WBP2NL: variants seen among roughly 807,000 people sequenced by gnomAD.
WBP2NL encodes the protein postacrosomal sheath WW domain-binding protein.
Under a neutral mutation model 23.3 loss-of-function variants are expected in WBP2NL, and 27 were observed. The ratio of observed to expected loss-of-function variants is 1.16; its 90% CI spans 0.85 to 1.60. The LOEUF (loss-of-function observed/expected upper bound fraction) is 1.60, where lower values mean the gene tolerates loss of function less well. WBP2NL is among the 40% of genes most tolerant of loss of function. The probability of loss-of-function intolerance (pLI) is 0.00; values close to 1 mark genes in which losing one functional copy is unlikely to be tolerated. For missense variants in WBP2NL, 370 were observed against 389.5 expected, an observed-to-expected ratio of 0.95 and a Z score of 0.42; for synonymous variants, 151 against 145.9, an observed-to-expected ratio of 1.03 and a Z score of -0.25.
chr22:42,001,929 AG>A, intron 1 of WBP2NL: 2 of 1,448,176 alleles, frequency 1.4e-6, no homozygotes, highest in South Asian at 1.6e-5. Flanking sequence ...TCCACCTGCC[AG>A]GGAGTCCTTG....
chr22:42,015,957 TA>T (rs1923270066), intron 1 of WBP2NL, among the ~76,000 whole-genome samples: 1 of 152,084 alleles, frequency 6.6e-6, no homozygotes, highest in South Asian at 2.1e-4. Flanking sequence ...TTTCGCTAGG[TA>T]GCAGCAACTA....
chr22:42,028,844 T>C (rs997711119), downstream of WBP2NL, among the ~76,000 whole-genome samples: 1 of 152,228 alleles, frequency 6.6e-6, no homozygotes, highest in African/African-American at 2.4e-5. Flanking sequence ...CATTTGAAAG[T>C]CAGGAGACAT....
intron 5 of WBP2NL, among the ~76,000 whole-genome samples, chr22:42,023,429 C>A (rs133344): frequency 0.74 from 112,273 of 152,072 alleles, 41,602 homozygotes; most frequent in East Asian, 0.9. Flanking sequence ...TCCTGGCCTC[C>A]AGCCATCTGC....
At chr22:42,029,364 T>C (rs1287990522), downstream of WBP2NL, among the ~76,000 whole-genome samples, 2 of 146,446 alleles carry the variant, frequency 1.4e-5, no homozygotes, top group Admixed American at 1.4e-4. Context: ...TTTAAATCAA[T>C]ATATTTTCTA....
rs1345745741 is a variant in WBP2NL at position 42,025,068 on chromosome 22, C to T, written c.515-1698C>T. 2.0e-5 allele frequency among the ~76,000 whole-genome samples: 3 copies of T among 152,200 alleles called. No individual in the cohort carries two copies. In the South Asian group the frequency reaches 6.2e-4, roughly 32 times the overall value. ...TCTGCCTGCCTCGGCCAGTGGGTTA[C>T]AGGTGTGAACAACTGTGCCCAGGCA... is the stretch of plus-strand genomic sequence containing the variant. On this transcript the variant is annotated intron_variant, in intron 5 of 5. Transcript: ENST00000328823.
chr22:42,047,134 A>T (rs968400821), intron 8 of WBP2NL, among the ~76,000 whole-genome samples: 2 of 152,112 alleles, frequency 1.3e-5, no homozygotes, highest in Non-Finnish European at 2.9e-5. Context: ...GAACTTAAAA[A>T]GTTGGTCCAT....
chr22:42,048,673 G>A (rs747067838), intron 8 of WBP2NL, among the ~76,000 whole-genome samples: 7 of 150,838 alleles, frequency 4.6e-5, no homozygotes, highest in Non-Finnish European at 1.0e-4. Context: ...GGAGAATGGT[G>A]TGAACCCAGG....
downstream of WBP2NL, among the ~76,000 whole-genome samples, chr22:42,034,596 G>C (rs543407140): frequency 9.9e-5 from 15 of 152,256 alleles, no homozygotes; most frequent in South Asian, 2.3e-3. Flanking sequence ...GAGATCACCC[G>C]GTCTGACCAA....
In WBP2NL at chr22:42,022,352, T is replaced by C. The variant is rs139280883; in HGVS notation, c.510T>C (p.Cys170=). 8.7e-6 allele frequency: 14 copies of C among 1,611,472 alleles called. No homozygotes were observed. Among genetic ancestry groups the C allele is most frequent in the Non-Finnish European group, 1.2e-5 (14 of 1,178,750 alleles). Residue 170 remains cysteine, a synonymous_variant, in exon 5 of 6, where the codon TGT becomes TGC. Coordinates refer to ENST00000328823, the MANE Select transcript of WBP2NL (RefSeq NM_152613.3). The part of the protein sequence containing the change: ...EGNMCTPQMP[C]SVIVYGAPPA... ...ATATGTGCACTCCACAGATGCCTTG[T>C]TCAGGTAAGGTATGGCAGAGAGGTT...
intron 1 of WBP2NL, among the ~76,000 whole-genome samples, chr22:42,007,440 T>C (rs1602442112): frequency 1.3e-5 from 2 of 152,336 alleles, no homozygotes; most frequent in Non-Finnish European, 2.9e-5. Context: ...TACATTAAAA[T>C]ACACTTATTG....
In WBP2NL at chr22:42,022,586, A is replaced by G. The variant is rs551127386; in HGVS notation, c.514+230A>G. Among the ~76,000 whole-genome samples, 5 of 152,380 alleles carry G rather than the reference A, an allele frequency of 3.3e-5. No individual in the cohort carries two copies. In the South Asian group the frequency reaches 8.3e-4, roughly 25 times the overall value. On this transcript the variant is annotated intron_variant, in intron 5 of 5. Transcript: ENST00000328823. The stretch of plus-strand genomic sequence containing the variant: ...TTAATGATATATACAAACCTGGAAC[A>G]TACTTGGCAATCCTGTTAGTGGGAA...
rs760739172 is a variant in WBP2NL at position 42,026,793 on chromosome 22, G to T, written c.542G>T (p.Gly181Val). Reference protein sequence around the residue: ...SVIVYGAPPAGYGAPPPGYGA... With the variant: ...SVIVYGAPPAVYGAPPPGYGA... The stretch of plus-strand genomic sequence containing the variant: ...ATTGTCTATGGAGCCCCACCTGCAG[G>T]ATATGGAGCCCCACCTCCCGGATAC... Residue 181 changes from glycine to valine, a missense_variant, in exon 6 of 6, where the codon GGA (glycine) becomes GTA (valine). By Grantham distance (109) the Gly-to-Val change is moderately radical (BLOSUM62 -3). Transcript: ENST00000328823. 6.2e-7 allele frequency: 1 copy of T among 1,613,776 alleles called. No homozygotes were observed. Among genetic ancestry groups the T allele is most frequent in the Admixed American group, 1.7e-5 (1 of 59,984 alleles).
At position 42,022,317 on chromosome 22, in the gene WBP2NL, G is replaced by A. The variant is rs768268045; in HGVS notation, c.475G>A (p.Gly159Arg). Residue 159 changes from glycine to arginine, a missense_variant, in exon 5 of 6, where the codon GGG becomes AGG. Coordinates refer to ENST00000328823, the MANE Select transcript of WBP2NL (RefSeq NM_152613.3). ...CTCTATGGGAATTTATGTAATTACT[G>A]GGGAAGGGAATATGTGCACTCCACA... Reference protein sequence around the residue: ...FSSMGIYVITGEGNMCTPQMP... With the variant: ...FSSMGIYVITREGNMCTPQMP... 5.6e-6 allele frequency: 9 copies of A among 1,614,066 alleles called. No homozygotes were observed. In the Admixed American group the frequency reaches 8.3e-5, roughly 15 times the overall value.
At chr22:42,033,381 G>A (rs1602473566), downstream of WBP2NL, among the ~76,000 whole-genome samples, 3 of 152,188 alleles carry the variant, frequency 2.0e-5, no homozygotes, top group South Asian at 6.2e-4. Flanking sequence ...TTCCCAAAGG[G>A]CTGCAGCTCT....
intron 5 of WBP2NL, among the ~76,000 whole-genome samples, chr22:42,026,101 C>T (rs1317077211): frequency 6.6e-6 from 1 of 151,762 alleles, no homozygotes; most frequent in Admixed American, 6.6e-5. Context: ...GAAACCCTGT[C>T]TCTACTAAAA....
chr22:42,055,065 A>C (rs541217389), intron 8 of WBP2NL, among the ~76,000 whole-genome samples: 2 of 151,620 alleles, frequency 1.3e-5, no homozygotes, highest in East Asian at 3.9e-4. Flanking sequence ...CTTGAGATGG[A>C]GTTTTGCTCT....
intron 1 of WBP2NL, 111 bp downstream of exon 1, chr22:41,998,991 C>G: frequency 7.8e-7 from 1 of 1,279,480 alleles, no homozygotes; most frequent in Non-Finnish European, 1.0e-6. Flanking sequence ...TTTTTGGGCG[C>G]GGCGCTCTTA....
chr22:42,000,953 A>G (rs1284138413), intron 1 of WBP2NL: 1 of 385,542 alleles, frequency 2.6e-6, no homozygotes, highest in Non-Finnish European at 4.7e-6. Flanking sequence ...AGATTGTGCC[A>G]CTGCACTCCA....
chr22:41,998,909 C>T (rs1238894031), intron 1 of WBP2NL, 29 bp downstream of exon 1: 3 of 1,599,126 alleles, frequency 1.9e-6, no homozygotes, highest in Admixed American at 3.4e-5. Flanking sequence ...GGCGTGCTGT[C>T]GGAGGAGAGG....
Sources: gnomAD v4.1 joint callset for allele counts (sites outside exome capture counted in the v4.1 genomes callset) on GRCh38, gnomAD v4.1.1 for gene constraint, MANE v1.5 for transcripts, NCBI Gene and HGNC (gene_info 2026-07-23, HGNC 2026-07-21) for gene names.